GNA12: variants seen among roughly 807,000 people sequenced by gnomAD.
GNA12 encodes guanine nucleotide-binding protein subunit alpha-12.
Under a neutral mutation model 26.0 loss-of-function variants are expected in GNA12, and 9 were observed. The observed-to-expected ratio is 0.35, with a 90% confidence interval of 0.21 to 0.60. The LOEUF (loss-of-function observed/expected upper bound fraction) is 0.60. Among genes scored for constraint, GNA12 ranks in the 20% least tolerant of loss-of-function variants. The pLI, the probability that GNA12 is intolerant of heterozygous loss-of-function variation, is 0.78. For synonymous variants in GNA12, 264 were observed against 219.6 expected, an observed-to-expected ratio of 1.20 and a Z score of -1.79; for missense variants, 405 against 525.8, an observed-to-expected ratio of 0.77 and a Z score of 2.25.
intron 2 of GNA12, among the ~76,000 whole-genome samples, chr7:2,753,154 C>T (rs1192457170): frequency 1.4e-5 from 2 of 147,180 alleles, no homozygotes; most frequent in Non-Finnish European, 3.0e-5. Flanking sequence ...CAGCATGCGG[C>T]TTTTTTTTTT....
At chr7:2,761,051 T>C (rs1791530466) in intron 2 of GNA12, among the ~76,000 whole-genome samples, 1 of 152,188 alleles carries the variant, frequency 6.6e-6, no homozygotes, top group Non-Finnish European at 1.5e-5. Context: ...CAATGACATG[T>C]AAACGGAGTC....
At chr7:2,765,875 G>GCCCC (rs71026552) in intron 2 of GNA12, among the ~76,000 whole-genome samples, 2 of 147,844 alleles carry the variant, frequency 1.4e-5, no homozygotes, top group African/African-American at 5.0e-5. Flanking sequence ...GTGATCCAGG[G>GCCCC]CCCCCCTCCC....
chr7:2,826,888 G>T (rs1358872838), intron 1 of GNA12, among the ~76,000 whole-genome samples: 1 of 152,182 alleles, frequency 6.6e-6, no homozygotes, highest in Non-Finnish European at 1.5e-5. Context: ...AAAACCCACA[G>T]AACTATGCAA....
intron 1 of GNA12, among the ~76,000 whole-genome samples, chr7:2,796,853 G>A (rs1293642924): frequency 2.0e-5 from 3 of 152,192 alleles, no homozygotes; most frequent in African/African-American, 7.2e-5. Context: ...AGCACCCCCT[G>A]AGCAGTTAGG....
intron 2 of GNA12, among the ~76,000 whole-genome samples, chr7:2,771,080 TA>T (rs1454809649): frequency 2.0e-5 from 3 of 152,068 alleles, no homozygotes; most frequent in African/African-American, 7.2e-5. Flanking sequence ...CACTTGAAGT[TA>T]GGAGTTCAAG....
intron 2 of GNA12, among the ~76,000 whole-genome samples, chr7:2,757,732 C>A (rs969994267): frequency 6.6e-6 from 1 of 152,192 alleles, no homozygotes; most frequent in Non-Finnish European, 1.5e-5. Context: ...GGCAAAATAA[C>A]CATGAAGCAT....
chr7:2,807,998 T>G (rs1243155235), intron 1 of GNA12, among the ~76,000 whole-genome samples: 1 of 152,270 alleles, frequency 6.6e-6, no homozygotes, highest in Non-Finnish European at 1.5e-5. Flanking sequence ...GTGATCATTT[T>G]GGGCGCTTCC....
At chr7:2,766,902 TTTTG>T (rs1287946517) in intron 2 of GNA12, among the ~76,000 whole-genome samples, 2 of 152,204 alleles carry the variant, frequency 1.3e-5, no homozygotes, top group Admixed American at 1.3e-4. Flanking sequence ...ACACTTGTTA[TTTTG>T]TTTTTCTTCT....
At chr7:2,789,571 C>T (rs928996540) in intron 2 of GNA12, among the ~76,000 whole-genome samples, 8 of 152,184 alleles carry the variant, frequency 5.3e-5, no homozygotes, top group African/African-American at 1.7e-4. Flanking sequence ...TACATGTGGC[C>T]GCAGAGAACG....
intron 2 of GNA12, among the ~76,000 whole-genome samples, chr7:2,745,427 T>A (rs1790719224): frequency 6.6e-6 from 1 of 152,180 alleles, no homozygotes; most frequent in Non-Finnish European, 1.5e-5. Context: ...CTAAGCTTCA[T>A]AAGTGAAGGA....
At chr7:2,754,560 T>C (rs1477227215) in intron 2 of GNA12, among the ~76,000 whole-genome samples, 1 of 149,740 alleles carries the variant, frequency 6.7e-6, no homozygotes, top group African/African-American at 2.5e-5. Context: ...CTGGGCAACA[T>C]AGTGAGACCT....
chr7:2,803,969 T>C (rs986250495), intron 1 of GNA12, among the ~76,000 whole-genome samples: 18 of 152,202 alleles, frequency 1.2e-4, no homozygotes, highest in African/African-American at 4.1e-4. Context: ...GCCATGGCCA[T>C]GGGCAGACCA....
chr7:2,824,018 T>C (rs896317462), intron 1 of GNA12, among the ~76,000 whole-genome samples: 9 of 152,340 alleles, frequency 5.9e-5, no homozygotes, highest in East Asian at 1.9e-4. Flanking sequence ...TCCTAAAAGA[T>C]AGTTGACTCC....
chr7:2,782,072 A>G (rs890714654), intron 2 of GNA12, among the ~76,000 whole-genome samples: 19 of 152,220 alleles, frequency 1.2e-4, no homozygotes, highest in Admixed American at 5.2e-4. Context: ...GACATTTAAC[A>G]AATTGTGCTA....
At chr7:2,826,899 CACA>C (rs952397932) in intron 1 of GNA12, among the ~76,000 whole-genome samples, 11 of 152,300 alleles carry the variant, frequency 7.2e-5, no homozygotes, top group African/African-American at 2.4e-4. Context: ...AACTATGCAA[CACA>C]ACGAGTGAAC....
intron 1 of GNA12, among the ~76,000 whole-genome samples, chr7:2,797,913 A>C (rs1792716837): frequency 6.6e-6 from 1 of 152,220 alleles, no homozygotes; most frequent in Admixed American, 6.5e-5. Context: ...CTAGAAAGAC[A>C]AATGTATGGA....
intron 1 of GNA12, among the ~76,000 whole-genome samples, chr7:2,835,434 A>C (rs914244499): frequency 6.6e-6 from 1 of 152,236 alleles, no homozygotes; most frequent in Non-Finnish European, 1.5e-5. Context: ...TTTAACTGGC[A>C]TGTACCAAGT....
At chr7:2,746,786 A>G in intron 2 of GNA12, among the ~76,000 whole-genome samples, 1 of 152,144 alleles carries the variant, frequency 6.6e-6, no homozygotes, top group Non-Finnish European at 1.5e-5. Context: ...ACTAATAAAG[A>G]AGAAAAGAGA....
intron 2 of GNA12, among the ~76,000 whole-genome samples, chr7:2,789,781 G>A (rs973560019): frequency 3.3e-5 from 5 of 152,228 alleles, no homozygotes; most frequent in Admixed American, 3.3e-4. Context: ...TGGTGGTGAT[G>A]TGTGTGTGTG....
Sources: allele counts gnomAD v4.1 joint callset (sites outside exome capture counted in the v4.1 genomes callset), GRCh38; gene constraint gnomAD v4.1.1; transcripts MANE v1.5; gene names NCBI Gene and HGNC (gene_info 2026-07-23, HGNC 2026-07-21).